Variants in ANO1 observed in about 807,000 individuals in gnomAD.
ANO1 encodes the protein anoctamin-1.
ANO1 carries 59 observed loss-of-function variants against 124.0 expected under a neutral mutation model. The ratio of observed to expected loss-of-function variants is 0.48; its 90% CI spans 0.39 to 0.59. ANO1 has a LOEUF of 0.59. Ranked by LOEUF, ANO1 falls within the 20% of genes least tolerant of loss-of-function variation. The probability of loss-of-function intolerance (pLI) is 0.00; values close to 1 mark genes in which losing one functional copy is unlikely to be tolerated. For missense variants in ANO1, 1,059 were observed against 1,328.0 expected (o/e 0.80, Z 3.15); for synonymous variants, 529 against 532.0 (o/e 0.99, Z 0.08).
chr11:70,165,707 C>A, intron 20 of ANO1, 137 bp downstream of exon 20: 1 of 728,566 alleles, frequency 1.4e-6, no homozygotes, highest in Non-Finnish European at 2.3e-6. Context: ...AGAAGGAGGA[C>A]ACAGAGGGAA....
At chr11:70,006,890 G>T (rs955462855) in intron 1 of ANO1, among the ~76,000 whole-genome samples, 1 of 151,714 alleles carries the variant, frequency 6.6e-6, no homozygotes, top group African/African-American at 2.4e-5. Context: ...GGCTGGTCTC[G>T]AACTCCTGAC....
At chr11:69,974,961 A>AGGT in the ANO1 span, among the ~76,000 whole-genome samples, 1 of 151,610 alleles carries the variant, frequency 6.6e-6, no homozygotes, top group South Asian at 2.1e-4. Flanking sequence ...CACAGGGAGA[A>AGGT]GGTGGCCGTC....
chr11:70,146,310 C>G (rs964636780), intron 11 of ANO1, among the ~76,000 whole-genome samples: 1 of 152,202 alleles, frequency 6.6e-6, no homozygotes, highest in African/African-American at 2.4e-5. Flanking sequence ...AATCCTCCTT[C>G]CTGCCTGCGG....
At chr11:70,152,643 G>T (rs991320061) in intron 13 of ANO1, among the ~76,000 whole-genome samples, 182 bp downstream of exon 13, 1 of 152,116 alleles carries the variant, frequency 6.6e-6, no homozygotes, top group Non-Finnish European at 1.5e-5. Context: ...AGCACCCTTC[G>T]CTGACCTGCG....
intron 1 of ANO1, among the ~76,000 whole-genome samples, chr11:70,000,912 G>C (rs552741450): frequency 2.7e-4 from 40 of 149,838 alleles, no homozygotes; most frequent in Non-Finnish European, 5.8e-4. Context: ...CAGCACAAAA[G>C]GGTACATGAG....
chr11:70,139,481 G>T (rs1368180780), intron 11 of ANO1, among the ~76,000 whole-genome samples: 1 of 152,114 alleles, frequency 6.6e-6, no homozygotes, highest in Non-Finnish European at 1.5e-5. Context: ...CCGCCACCAC[G>T]CCCAGCTAAT....
chr11:69,969,398 T>C, the ANO1 span, among the ~76,000 whole-genome samples: 1 of 152,126 alleles, frequency 6.6e-6, no homozygotes, highest in Non-Finnish European at 1.5e-5. Context: ...CACTCAGCTC[T>C]CTCTTCTGGA....
rs2047800411 is a variant in ANO1 at position 70,155,996 on chromosome 11, T to C, written c.1503+8T>C. On this transcript the variant is annotated splice_region_variant and intron_variant, in intron 15 of 25. Coordinates refer to ENST00000355303, the MANE Select transcript of ANO1 (RefSeq NM_018043.7). Reference sequence around the variant, plus strand: ...ATGGCGGGGGTGAAATTGGTACTTTTCTATTTTGCGGGCAGCGCGCGTCTT... The same window carrying C: ...ATGGCGGGGGTGAAATTGGTACTTTCCTATTTTGCGGGCAGCGCGCGTCTT... 2.0e-6 allele frequency: 3 copies of C among 1,513,278 alleles called. No homozygotes were observed. The highest frequency in any genetic ancestry group is 2.7e-6 in the Non-Finnish European group (3 of 1,130,674). The allele number at this position is 1,513,278 out of a possible 1,614,324, so 93.7% of individuals were successfully genotyped here. A position where few individuals can be genotyped will look rare whatever the true frequency, so the allele number is the denominator to read the frequency against.
rs932998724 is a variant in ANO1 at position 70,167,908 on chromosome 11, A to G, written c.2197+521A>G. ...CCTTCAAGCATCCTACTTTGGTTCC[A>G]TGACTCATCTCCCCTTCCTGGTGGT... On this transcript the variant is annotated intron_variant, in intron 21 of 25. Transcript: ENST00000355303. Among the ~76,000 whole-genome samples the G allele has an allele frequency of 2.6e-5, 4 of 152,094 alleles. No homozygotes were observed. In the East Asian group the frequency reaches 7.7e-4, roughly 29 times the overall value.
At chr11:70,065,044 C>A (rs1857683874) in intron 1 of ANO1, 1 of 152,258 alleles carries the variant, frequency 6.6e-6, no homozygotes, top group African/African-American at 2.4e-5. Context: ...TGGCTCTGAG[C>A]CCAGCCAGGT....
At chr11:70,078,849 C>G (rs2044112398) in intron 1 of ANO1, 135 bp downstream of exon 1, 1 of 346,888 alleles carries the variant, frequency 2.9e-6, no homozygotes, top group Non-Finnish European at 4.4e-6. Context: ...TTCGCGGCGC[C>G]CACCCGCGCA....
At chr11:70,007,184 A>G (rs1555000214) in intron 1 of ANO1, among the ~76,000 whole-genome samples, 2 of 151,790 alleles carry the variant, frequency 1.3e-5, no homozygotes, top group Admixed American at 1.3e-4. Flanking sequence ...TCCAACAGTA[A>G]CTGTCTTTCT....
At chr11:70,004,299 T>C (rs1856442621) in intron 1 of ANO1, among the ~76,000 whole-genome samples, 1 of 152,112 alleles carries the variant, frequency 6.6e-6, no homozygotes, top group African/African-American at 2.4e-5. Context: ...AGAGAGTGTG[T>C]GCAAAAAGAA....
intron 1 of ANO1, among the ~76,000 whole-genome samples, chr11:69,998,558 A>G (rs1284411846): frequency 6.6e-6 from 1 of 152,226 alleles, no homozygotes; most frequent in Non-Finnish European, 1.5e-5. Flanking sequence ...ATAAAGCTGC[A>G]AGGAAGAAAT....
rs186648655 is a variant in ANO1, at chr11:70,112,392, A to G, written c.855+630A>G. Among the ~76,000 whole-genome samples, 123 of 152,278 alleles carry G rather than the reference A, an allele frequency of 8.1e-4. 2 individuals carry two copies. The highest frequency in any genetic ancestry group is 4.1e-4 in the Non-Finnish European group (28 of 68,020). ...AAGGCCAGGAGCCAAGAAGCAGGAG[A>G]GAAGGGACAGGCCTGGGACTAAGGA... On this transcript the variant is annotated intron_variant, in intron 7 of 25. Transcript: ENST00000355303.
intron 20 of ANO1, among the ~76,000 whole-genome samples, chr11:70,166,646 C>T (rs1453363162): frequency 6.6e-6 from 1 of 152,214 alleles, no homozygotes; most frequent in Non-Finnish European, 1.5e-5. Context: ...GCATGACCAG[C>T]CTCCACTGTT....
At chr11:70,035,477 G>A (rs1555004277) in intron 1 of ANO1, among the ~76,000 whole-genome samples, 1 of 150,724 alleles carries the variant, frequency 6.6e-6, no homozygotes, top group Admixed American at 6.6e-5. Context: ...TCCTATTCTT[G>A]CAAATTCTCA....
intron 11 of ANO1, among the ~76,000 whole-genome samples, chr11:70,135,149 G>T (rs566176632): frequency 6.6e-6 from 1 of 152,128 alleles, no homozygotes; most frequent in Admixed American, 6.5e-5. Context: ...GGAGCCTCAT[G>T]GCACCCTCCC....
intron 11 of ANO1, among the ~76,000 whole-genome samples, chr11:70,135,501 C>A (rs540822782): frequency 6.6e-6 from 1 of 152,346 alleles, no homozygotes; most frequent in South Asian, 2.1e-4. Context: ...CTCTGCCCAT[C>A]CCTGGCATCA....
Sources: allele counts gnomAD v4.1 joint callset (sites outside exome capture counted in the v4.1 genomes callset), GRCh38; gene constraint gnomAD v4.1.1; transcripts MANE v1.5; gene names NCBI Gene and HGNC (gene_info 2026-07-23, HGNC 2026-07-21).